ROCK2: variants seen among roughly 807,000 people sequenced by gnomAD.
The protein encoded by ROCK2 is Rho associated coiled-coil containing protein kinase 2.
In ROCK2, 61 loss-of-function variants were observed where a neutral mutation model predicts 195.1. The ratio of observed to expected loss-of-function variants is 0.31; its 90% CI spans 0.25 to 0.39. The LOEUF (loss-of-function observed/expected upper bound fraction) is 0.39. Ranked by LOEUF, ROCK2 falls within the 10% of genes least tolerant of loss-of-function variation. The pLI is 1.00. For synonymous variants in ROCK2, 504 were observed against 545.5 expected (o/e 0.92, Z 1.06); for missense variants, 1,109 against 1,637.4 (o/e 0.68, Z 5.57).
Position 11,180,712 on chromosome 2 carries a change from CTT to C in ROCK2, c.*2723_*2724del, listed in dbSNP as rs1662947852. The stretch of plus-strand genomic sequence containing the variant: ...TGTGAAGGAACAAGCAAATTTTAGT[CTT>C]ATATTTATCTTGGAAGCTTCAGGGC... On this transcript the variant is annotated 3_prime_UTR_variant, in exon 33 of 33. Coordinates refer to ENST00000315872, the MANE Select transcript of ROCK2 (RefSeq NM_004850.5). 1 of 152,040 alleles carries C rather than the reference CTT, an allele frequency of 6.6e-6. No individual in the cohort carries two copies. The highest frequency in any genetic ancestry group is 1.5e-5 in the Non-Finnish European group (1 of 67,994). 9.4% of individuals were successfully genotyped at this position (152,040 alleles called of 1,614,324 possible).
At chr2:11,318,637 T>G (rs954913971) in intron 1 of ROCK2, among the ~76,000 whole-genome samples, 1 of 152,230 alleles carries the variant, frequency 6.6e-6, no homozygotes, top group Non-Finnish European at 1.5e-5. Context: ...TGGCTTTTGT[T>G]GCCATTCCTT....
At chr2:11,307,977 C>A in intron 1 of ROCK2, 3 of 1,486,236 alleles carry the variant, frequency 2.0e-6, no homozygotes, top group Non-Finnish European at 1.8e-6. Context: ...GCCCTAGAAC[C>A]CGGCCTTGCT....
chr2:11,298,766 G>A (rs1667615558), intron 1 of ROCK2, among the ~76,000 whole-genome samples: 1 of 152,152 alleles, frequency 6.6e-6, no homozygotes, highest in African/African-American at 2.4e-5. Flanking sequence ...TCTTCCAAAA[G>A]ATGTTTCTCA....
At chr2:11,269,411 C>A (rs1487415742) in intron 3 of ROCK2, among the ~76,000 whole-genome samples, 6 of 151,702 alleles carry the variant, frequency 4.0e-5, no homozygotes, top group Non-Finnish European at 7.4e-5. Context: ...ACTCAGGAGG[C>A]TGAGGCACGA....
At chr2:11,219,262 G>A (rs918652891) in intron 9 of ROCK2, among the ~76,000 whole-genome samples, 2 of 147,456 alleles carry the variant, frequency 1.4e-5, no homozygotes, top group Admixed American at 6.9e-5. Flanking sequence ...ACTTTGGGAG[G>A]TCAAGGCGGG....
In ROCK2 at chr2:11,268,522, C is replaced by CTGTGTGTGTGTGTG. The variant is rs70953378; in HGVS notation, c.324+18003_324+18016dup. ...TGTGTGTGTATTTAACAGTTTTGCA[C>CTGTGTGTGTGTGTG]TGTGTGTGTGTGTGTGTGTGTGTGT... On this transcript the variant is annotated intron_variant, in intron 3 of 32. Transcript: ENST00000315872. Among the ~76,000 whole-genome samples, 145 of 140,652 alleles carry CTGTGTGTGTGTGTG rather than the reference C, an allele frequency of 1.0e-3. 1 individual carries two copies. The highest frequency in any genetic ancestry group is 3.2e-3 in the African/African-American group (124 of 38,568). The allele number at this position is 140,652 out of a possible 152,430, so 92.3% of individuals were successfully genotyped here.
intron 4 of ROCK2, among the ~76,000 whole-genome samples, chr2:11,242,435 G>A (rs976092584): frequency 2.6e-5 from 4 of 152,170 alleles, no homozygotes; most frequent in African/African-American, 9.7e-5. Context: ...TCACGTGTGA[G>A]GATGGGTGCC....
chr2:11,217,472 C>T, intron 11 of ROCK2: 1 of 416,320 alleles, frequency 2.4e-6, no homozygotes, highest in Non-Finnish European at 4.5e-6. Flanking sequence ...TAAAGAATAC[C>T]ACCTCAGATA....
chr2:11,190,310 G>A (rs1193549689), intron 32 of ROCK2, among the ~76,000 whole-genome samples: 3 of 150,750 alleles, frequency 2.0e-5, no homozygotes, highest in African/African-American at 7.3e-5. Context: ...ATGACAAAAT[G>A]TGTTTTTTAA....
intron 3 of ROCK2, among the ~76,000 whole-genome samples, chr2:11,282,252 G>A (rs1027851664): frequency 6.6e-6 from 1 of 152,060 alleles, no homozygotes. Context: ...TCGAGAGGCT[G>A]GGGCAGCAGG....
intron 6 of ROCK2, among the ~76,000 whole-genome samples, chr2:11,226,381 T>G (rs1664811419): frequency 6.6e-6 from 1 of 152,228 alleles, no homozygotes; most frequent in African/African-American, 2.4e-5. Context: ...TTTCTAAAAC[T>G]GAAATGTTAT....
At chr2:11,323,562 C>T (rs11889003) in intron 1 of ROCK2, among the ~76,000 whole-genome samples, 5,330 of 152,144 alleles carry the variant, frequency 0.035, 327 homozygotes, top group African/African-American at 0.12. Context: ...GCAAAAAGTA[C>T]GCAACTACCT....
chr2:11,277,964 A>G (rs1445860798), intron 3 of ROCK2, among the ~76,000 whole-genome samples: 1 of 152,184 alleles, frequency 6.6e-6, no homozygotes, highest in Admixed American at 6.5e-5. Context: ...TTTATTTTTT[A>G]ATTGACAAAA....
chr2:11,342,730 T>C (rs1196606424), intron 1 of ROCK2, among the ~76,000 whole-genome samples: 2 of 152,204 alleles, frequency 1.3e-5, no homozygotes, highest in African/African-American at 2.4e-5. Flanking sequence ...CATTAAAACA[T>C]AGGAACAACA....
In ROCK2 at chr2:11,197,115, A is replaced by G. The variant is rs1313076051; in HGVS notation, c.3448+65T>C. Reference sequence around the variant, plus strand: ...TTTTTCCTTCAGAGCAGTCAGTCGCAAGACTTAAAACAATCAACTGATTTA... The same window carrying G: ...TTTTTCCTTCAGAGCAGTCAGTCGCGAGACTTAAAACAATCAACTGATTTA... On this transcript the variant is annotated intron_variant, in intron 27 of 32. Coordinates refer to ENST00000315872, the MANE Select transcript of ROCK2 (RefSeq NM_004850.5). This position sits in a 1 kb window ranked among gnomAD's most constrained non-coding sequence, Gnocchi z 4.9. 1.7e-6 allele frequency: 2 copies of G among 1,187,212 alleles called. No homozygotes were observed. Among genetic ancestry groups the G allele is most frequent in the Non-Finnish European group, 2.3e-6 (2 of 874,700 alleles). 73.5% of individuals were successfully genotyped at this position (1,187,212 alleles called of 1,614,324 possible). A position where few individuals can be genotyped will look rare whatever the true frequency, so the allele number is the denominator to read the frequency against.
intron 3 of ROCK2, among the ~76,000 whole-genome samples, chr2:11,277,047 G>C (rs990498601): frequency 6.6e-6 from 1 of 152,034 alleles, no homozygotes; most frequent in Non-Finnish European, 1.5e-5. Flanking sequence ...TATACTCCCT[G>C]TCCCCTTCTC....
chr2:11,219,708 C>G (rs1362072944), intron 9 of ROCK2, among the ~76,000 whole-genome samples: 1 of 151,842 alleles, frequency 6.6e-6, no homozygotes, highest in Admixed American at 6.6e-5. Context: ...AATCATAGCT[C>G]CCTGCAGCCT....
At chr2:11,300,130 T>C (rs1667659891) in intron 1 of ROCK2, among the ~76,000 whole-genome samples, 1 of 152,202 alleles carries the variant, frequency 6.6e-6, no homozygotes, top group South Asian at 2.1e-4. Context: ...ATCTACAGTT[T>C]CTAAAGGCTA....
chr2:11,238,207 A>AGTGTGTGT (rs764814189), intron 4 of ROCK2, among the ~76,000 whole-genome samples: 17 of 36,068 alleles, frequency 4.7e-4, no homozygotes, highest in African/African-American at 1.3e-3. Flanking sequence ...AAATTGAGAA[A>AGTGTGTGT]GAGTGTGTGT....
Sources: gnomAD v4.1 joint callset for allele counts (sites outside exome capture counted in the v4.1 genomes callset) on GRCh38, gnomAD v4.1.1 for gene constraint, Gnocchi (gnomAD v3.1) non-coding constraint, MANE v1.5 for transcripts, NCBI Gene and HGNC (gene_info 2026-07-23, HGNC 2026-07-21) for gene names.